The following KIAA1614 variants were observed in gnomAD, a reference collection of about 807,000 sequenced individuals.
The protein encoded by KIAA1614 is KIAA1614, also known as uncharacterized protein KIAA1614.
Under a neutral mutation model 88.7 loss-of-function variants are expected in KIAA1614, and 76 were observed. The observed-to-expected ratio is 0.86, with a 90% CI of 0.71 to 1.04. KIAA1614 has a LOEUF of 1.04. Ranked by LOEUF, KIAA1614 falls within the 50% of genes least tolerant of loss-of-function variation. The pLI is 0.00. For synonymous variants in KIAA1614, 714 were observed against 675.5 expected (o/e 1.06, Z -0.88); for missense variants, 1,553 against 1,582.5 (o/e 0.98, Z 0.32).
In KIAA1614 at chr1:180,949,309, T is replaced by C. The variant is rs969141608; in HGVS notation, c.*3721T>C. 6.6e-6 allele frequency: 1 copy of C among 152,368 alleles called. No homozygotes were observed. The highest frequency in any genetic ancestry group is 1.5e-5 in the Non-Finnish European group (1 of 68,146). 9.4% of individuals were successfully genotyped at this position (152,368 alleles called of 1,614,324 possible). A position where few individuals can be genotyped will look rare whatever the true frequency, so the allele number is the denominator to read the frequency against. On this transcript the variant is annotated 3_prime_UTR_variant, in exon 9 of 9. Coordinates refer to ENST00000367588, the MANE Select transcript of KIAA1614 (RefSeq NM_020950.2). ...CAGTCCCTCCAGCAAACTCAGCTTG[T>C]GTCTCAGCCCCTGTGTCCACCCAGC...
In KIAA1614 at chr1:180,947,598, C is replaced by T. The variant is rs980290140; in HGVS notation, c.*2010C>T. On this transcript the variant is annotated 3_prime_UTR_variant, in exon 9 of 9. Transcript: ENST00000367588. ...AGGATAAAAAGTCCTTCCTCACAGG[C>T]CTTCCCGTAGCCTCCTCTCCCGTTA... 2.0e-5 allele frequency: 3 copies of T among 152,214 alleles called. No homozygotes were observed. The highest frequency in any genetic ancestry group is 7.2e-5 in the African/African-American group (3 of 41,430). 9.4% of individuals were successfully genotyped at this position (152,214 alleles called of 1,614,324 possible).
At chr1:180,915,615 T>C (rs925532449) in intron 1 of KIAA1614, among the ~76,000 whole-genome samples, 3 of 152,214 alleles carry the variant, frequency 2.0e-5, no homozygotes, top group Non-Finnish European at 4.4e-5. Flanking sequence ...GACTTGCATT[T>C]TTTTAAAAGT....
At chr1:180,936,959 G>T (rs1005296056) in intron 5 of KIAA1614, among the ~76,000 whole-genome samples, 1 of 152,174 alleles carries the variant, frequency 6.6e-6, no homozygotes, top group African/African-American at 2.4e-5. Context: ...TCCTCTTCCT[G>T]TTGGGAACCC....
intron 3 of KIAA1614, among the ~76,000 whole-genome samples, chr1:180,923,056 G>A (rs1047774016): frequency 2.0e-5 from 3 of 152,170 alleles, no homozygotes; most frequent in African/African-American, 4.8e-5. Flanking sequence ...TAAAAGACAC[G>A]AACAGCCATG....
rs1654714581 is a variant in KIAA1614 at position 180,950,847 on chromosome 1, C to G, written c.*5259C>G. 1 of 152,554 alleles carries G rather than the reference C, an allele frequency of 6.6e-6. No homozygotes were observed. The highest frequency in any genetic ancestry group is 2.4e-5 in the African/African-American group (1 of 41,442). 9.5% of individuals were successfully genotyped at this position (152,554 alleles called of 1,614,324 possible). On this transcript the variant is annotated 3_prime_UTR_variant, in exon 9 of 9. Coordinates refer to ENST00000367588, the MANE Select transcript of KIAA1614 (RefSeq NM_020950.2). ...GGGGGAGAAGGGAGATTCAGTGGAT[C>G]CTTTGGTTGATGCCTGAGAGCCGGC...
At chr1:180,932,705 TG>T (rs1196532025) in intron 4 of KIAA1614, among the ~76,000 whole-genome samples, 4 of 152,106 alleles carry the variant, frequency 2.6e-5, no homozygotes, top group South Asian at 4.2e-4. Flanking sequence ...AGTTTGTGTA[TG>T]TTTTTTTTGG....
chr1:180,945,488 G>A lies in KIAA1614; in HGVS notation c.3473G>A (p.Gly1158Asp), dbSNP rs367584414. ...TCTGGGAATGGGCGCCCAGACTCAG[G>A]TATGCCCTCTCCTCTTCCTCAGCCC... ...VASGNGRPDS[G>D]MPSPLPQPHG... The change falls in exon 9 of 9, where the codon GGT becomes GAT. Residue 1158 changes from glycine to aspartate, a missense_variant. Physicochemically the swap from Gly to Asp is moderately conservative, Grantham distance 94. Coordinates refer to ENST00000367588, the MANE Select transcript of KIAA1614 (RefSeq NM_020950.2). 3 of 1,613,538 alleles carry A rather than the reference G, an allele frequency of 1.9e-6. No individual in the cohort carries two copies. The highest frequency in any genetic ancestry group is 1.7e-6 in the Non-Finnish European group (2 of 1,179,946).
At position 180,945,506 on chromosome 1, in the gene KIAA1614, C is replaced by T. The variant is rs1654572644; in HGVS notation, c.3491C>T (p.Pro1164Leu). 1.2e-6 allele frequency: 2 copies of T among 1,613,640 alleles called. No individual in the cohort carries two copies. Among genetic ancestry groups the T allele is most frequent in the Admixed American group, 1.7e-5 (1 of 59,958 alleles). Residue 1164 changes from proline to leucine, a missense_variant, in exon 9 of 9, where the codon CCT (proline) becomes CTT (leucine). Pro to Leu is a moderately conservative substitution (Grantham distance 98, BLOSUM62 -3). Transcript: ENST00000367588. ...GACTCAGGTATGCCCTCTCCTCTTC[C>T]TCAGCCCCATGGCTGGGGCGGCCTT... ...RPDSGMPSPL[P>L]QPHGWGGLSK...
rs1013827597 is a variant in KIAA1614, at chr1:180,951,319, C to G, written c.*5731C>G. The G allele has an allele frequency of 6.6e-6, 1 of 152,352 alleles. No individual in the cohort carries two copies. The highest frequency in any genetic ancestry group is 1.9e-4 in the East Asian group (1 of 5,208). 9.4% of individuals were successfully genotyped at this position (152,352 alleles called of 1,614,324 possible). On this transcript the variant is annotated 3_prime_UTR_variant, in exon 9 of 9. Transcript: ENST00000367588. ...TGCCACCCCGGCCGCTGCCTCTGCCCAGGTGGAGGCAAGAGTTGCTGCAAC... is the reference window on the plus strand; with the variant it reads ...TGCCACCCCGGCCGCTGCCTCTGCCGAGGTGGAGGCAAGAGTTGCTGCAAC...
At chr1:180,924,482 C>T (rs950306588) in intron 3 of KIAA1614, among the ~76,000 whole-genome samples, 13 of 152,226 alleles carry the variant, frequency 8.5e-5, no homozygotes, top group African/African-American at 2.7e-4. Flanking sequence ...GCATCTTAGG[C>T]GTGCACTGCA....
At position 180,936,342 on chromosome 1, in the gene KIAA1614, C is replaced by T. The variant is rs757015801; in HGVS notation, c.2433C>T (p.Pro811=). ...LCPEGWAPTP[P]PSRKTTSPVS... is the part of the protein sequence containing the mutation. ...CTGAAGGCTGGGCGCCAACCCCTCC[C>T]CCTTCGAGGAAAACCACCTCGCCAG... The change falls in exon 5 of 9, where the codon CCC becomes CCT. Residue 811 remains proline, a synonymous_variant. Transcript: ENST00000367588. 2 of 1,614,200 alleles carry T rather than the reference C, an allele frequency of 1.2e-6. No homozygotes were observed. Among genetic ancestry groups the T allele is most frequent in the Non-Finnish European group, 1.7e-6 (2 of 1,180,002 alleles).
At chr1:180,923,892 C>A (rs1170794936) in intron 3 of KIAA1614, among the ~76,000 whole-genome samples, 1 of 151,898 alleles carries the variant, frequency 6.6e-6, no homozygotes, top group Non-Finnish European at 1.5e-5. Flanking sequence ...CCTTACCAAC[C>A]CCCAGCTCCC....
intron 3 of KIAA1614, 163 bp from the exon 4 acceptor site, chr1:180,928,267 C>T: frequency 1.2e-6 from 1 of 836,096 alleles, no homozygotes; most frequent in East Asian, 2.9e-5. Context: ...AGGCCCCAGG[C>T]CCCCAGGCTG....
chr1:180,938,084 C>T (rs1654372286), intron 5 of KIAA1614, among the ~76,000 whole-genome samples: 1 of 152,240 alleles, frequency 6.6e-6, no homozygotes, highest in African/African-American at 2.4e-5. Flanking sequence ...CTGCCTAGCA[C>T]ATAACAGATC....
rs755615850 is a variant in KIAA1614, at chr1:180,916,309, C to T, written c.206C>T (p.Pro69Leu). The change falls in exon 2 of 9, where the codon CCT becomes CTT. Residue 69 changes from proline (P) to leucine (L), a missense_variant. Pro to Leu is a moderately conservative substitution (Grantham distance 98). Coordinates refer to ENST00000367588, the MANE Select transcript of KIAA1614 (RefSeq NM_020950.2). ...ACATCCAGCCTGATGGCCCCCCAGC[C>T]TCCCAGGGTATGGGGAGTACAGCTC... is the stretch of plus-strand genomic sequence containing the variant. ...NRTSSLMAPQPPRVWGVQLQG... is the reference protein window; with the variant it reads ...NRTSSLMAPQLPRVWGVQLQG... 1 of 1,614,060 alleles carries T rather than the reference C, an allele frequency of 6.2e-7. No homozygotes were observed. The highest frequency in any genetic ancestry group is 1.7e-5 in the Admixed American group (1 of 60,008).
In KIAA1614 at chr1:180,946,960, A is replaced by G. The variant is rs1274069486; in HGVS notation, c.*1372A>G. On this transcript the variant is annotated 3_prime_UTR_variant, in exon 9 of 9. Coordinates refer to ENST00000367588, the MANE Select transcript of KIAA1614 (RefSeq NM_020950.2). ...TCTTGTTATGTATAATGTGCTACGT[A>G]TGTCAGATGGTGAAAAGAAAGTTCT... is the stretch of plus-strand genomic sequence containing the variant. 1.3e-5 allele frequency: 2 copies of G among 152,306 alleles called. No homozygotes were observed. The highest frequency in any genetic ancestry group is 3.8e-4 in the East Asian group (2 of 5,202). 9.4% of individuals were successfully genotyped at this position (152,306 alleles called of 1,614,324 possible). A position where few individuals can be genotyped will look rare whatever the true frequency, so the allele number is the denominator to read the frequency against.
Position 180,941,027 on chromosome 1 carries a change from T to A in KIAA1614, c.2919-18T>A. 1.2e-5 allele frequency: 2 copies of A among 170,830 alleles called. No homozygotes were observed. Among genetic ancestry groups the A allele is most frequent in the Middle Eastern group, 2.0e-3 (1 of 494 alleles). The allele number at this position is 170,830 out of a possible 1,614,324, so 10.6% of individuals were successfully genotyped here. On this transcript the variant is annotated intron_variant, in intron 6 of 8. Transcript: ENST00000367588. ...CCCGGCCCTCCCCCGCCCCCTCACC[T>A]CCACCCTTGTGTTTCAGAGCATCAG...
intron 8 of KIAA1614, 188 bp downstream of exon 8, chr1:180,944,704 C>T (rs1654548952): frequency 3.7e-6 from 2 of 547,426 alleles, no homozygotes; most frequent in Non-Finnish European, 3.1e-6. Flanking sequence ...CTGCATGGAC[C>T]CTCGGTGCAT....
At chr1:180,923,848 C>A (rs1190307013) in intron 3 of KIAA1614, among the ~76,000 whole-genome samples, 3 of 152,004 alleles carry the variant, frequency 2.0e-5, no homozygotes, top group Non-Finnish European at 4.4e-5. Context: ...ACGGGTGTAA[C>A]CAAGAACGGA....
Sources: gnomAD v4.1 joint callset for allele counts (sites outside exome capture counted in the v4.1 genomes callset) on GRCh38, gnomAD v4.1.1 for gene constraint, MANE v1.5 for transcripts, NCBI Gene and HGNC (gene_info 2026-07-23, HGNC 2026-07-21) for gene names.